The following PCDHGA5 variants were observed in gnomAD, a reference collection of about 807,000 sequenced individuals.
PCDHGA5 encodes protocadherin gamma-A5.
Under a neutral mutation model 56.7 loss-of-function variants are expected in PCDHGA5, and 36 were observed. The ratio of observed to expected loss-of-function variants is 0.64; its 90% CI spans 0.49 to 0.84. The LOEUF (loss-of-function observed/expected upper bound fraction) is 0.84. PCDHGA5 is among the 40% of genes least tolerant of loss of function. The probability of loss-of-function intolerance (pLI) is 0.00; values close to 1 mark genes in which losing one functional copy is unlikely to be tolerated. For missense variants in PCDHGA5, 1,305 were observed against 1,201.5 expected (o/e 1.09, Z -1.27); for synonymous variants, 563 against 520.2 (o/e 1.08, Z -1.12).
intron 1 of PCDHGA5, chr5:141,375,864 T>G: frequency 6.2e-7 from 1 of 1,613,866 alleles, no homozygotes; most frequent in African/African-American, 1.3e-5. Context: ...GTGGTGGCGG[T>G]GGACAGAGAC....
intron 1 of PCDHGA5, chr5:141,393,362 G>C (rs1377325166): frequency 5.0e-6 from 8 of 1,613,978 alleles, no homozygotes; most frequent in Non-Finnish European, 6.8e-6. Context: ...TGGACGTGCA[G>C]ACTGGAGACA....
intron 1 of PCDHGA5, chr5:141,408,968 C>T (rs752629281): frequency 6.2e-7 from 1 of 1,613,702 alleles, no homozygotes; most frequent in Non-Finnish European, 8.5e-7. Context: ...TGAAAATCTG[C>T]CCCCTGGGTC....
In PCDHGA5 at chr5:141,413,886, C is replaced by T. The variant is rs916273509; in HGVS notation, c.2421+47135C>T. The T allele has an allele frequency of 8.7e-6, 14 of 1,613,202 alleles. No homozygotes were observed. The African/African-American group carries it at 1.7e-4, about 20-fold the overall frequency. On this transcript the variant is annotated intron_variant, in intron 1 of 3. Transcript: ENST00000518069. ...CTGTCCTTGTCAGTGTGACTGTCTT[C>T]GATGCAAATGACAACGCGCCGGTCT...
intron 1 of PCDHGA5, chr5:141,370,508 C>A: frequency 6.2e-7 from 1 of 1,613,908 alleles, no homozygotes. Context: ...ACGCTATTCC[C>A]GAGGAGCTGG....
At position 141,485,301 on chromosome 5, in the gene PCDHGA5, C is replaced by T; in HGVS notation, c.2422-9506C>T. 1 of 1,614,124 alleles carries T rather than the reference C, an allele frequency of 6.2e-7. No homozygotes were observed. The highest frequency in any genetic ancestry group is 1.1e-5 in the South Asian group (1 of 91,082). The stretch of plus-strand genomic sequence containing the variant: ...GTCCCAGAGGAGTCACAGGAAGGGA[C>T]TTTTGTAGGGAATGTCGCTCAAGAT... On this transcript the variant is annotated intron_variant, in intron 1 of 3. Coordinates refer to ENST00000518069, the MANE Select transcript of PCDHGA5 (RefSeq NM_018918.3). This position sits in a 1 kb window ranked among gnomAD's most constrained non-coding sequence, Gnocchi z 5.7.
chr5:141,408,079 A>C (rs1176059527), intron 1 of PCDHGA5: 13 of 1,407,872 alleles, frequency 9.2e-6, no homozygotes, highest in Non-Finnish European at 1.1e-5. Context: ...CTTTCCCAGC[A>C]CAGCGGATTG....
chr5:141,393,805 C>T (rs1266380650), intron 1 of PCDHGA5: 3 of 1,613,914 alleles, frequency 1.9e-6, no homozygotes, highest in South Asian at 1.1e-5. Flanking sequence ...CTGGGGAGGA[C>T]CAAATTGCTC....
At chr5:141,408,978 C>A (rs1444971938) in intron 1 of PCDHGA5, 1 of 1,613,862 alleles carries the variant, frequency 6.2e-7, no homozygotes, top group African/African-American at 1.3e-5. Context: ...CCCCCTGGGT[C>A]CCCTGTGTTG....
At chr5:141,404,186 C>G in intron 1 of PCDHGA5, 1 of 1,613,086 alleles carries the variant, frequency 6.2e-7, no homozygotes, top group Non-Finnish European at 8.5e-7. Flanking sequence ...AATTCTTGAC[C>G]GAGAAAAAGC....
At chr5:141,430,179 A>G (rs2097264770) in intron 1 of PCDHGA5, among the ~76,000 whole-genome samples, 1 of 152,158 alleles carries the variant, frequency 6.6e-6, no homozygotes, top group Admixed American at 6.5e-5. Flanking sequence ...ATTTTCCCCA[A>G]ATTATAGCTG....
In PCDHGA5 at chr5:141,365,153, G is replaced by A; in HGVS notation, c.823G>A (p.Gly275Arg). 1 of 1,613,872 alleles carries A rather than the reference G, an allele frequency of 6.2e-7. No individual in the cohort carries two copies. The highest frequency in any genetic ancestry group is 8.5e-7 in the Non-Finnish European group (1 of 1,179,886). The part of the protein sequence containing the change: ...TATDPDEGIN[G>R]KLTYSFRNEE... ...CACGGATCCAGATGAGGGAATAAAC[G>A]GGAAATTGACCTACTCTTTTCGCAA... The change falls in exon 1 of 4, where the codon GGG (glycine) becomes AGG (arginine). Residue 275 changes from glycine to arginine, a missense_variant. Gly to Arg is a moderately radical substitution (Grantham distance 125). Transcript: ENST00000518069.
intron 1 of PCDHGA5, among the ~76,000 whole-genome samples, chr5:141,471,163 G>GC (rs202115056): frequency 0.11 from 16,237 of 150,562 alleles, 892 homozygotes; most frequent in South Asian, 0.15. Context: ...GATTCTCCTG[G>GC]CTCAGCCTCC....
At chr5:141,454,964 C>T (rs1283179107) in intron 1 of PCDHGA5, among the ~76,000 whole-genome samples, 10 of 151,622 alleles carry the variant, frequency 6.6e-5, no homozygotes, top group African/African-American at 2.4e-4. Flanking sequence ...CCGGCCACCA[C>T]GCCTGGCTAA....
intron 1 of PCDHGA5, among the ~76,000 whole-genome samples, chr5:141,457,827 C>T (rs1300495115): frequency 2.0e-5 from 3 of 152,204 alleles, no homozygotes; most frequent in Admixed American, 6.5e-5. Context: ...AAACTCAGAG[C>T]TTCCAGACCT....
rs756770023 is a variant in PCDHGA5 at position 141,383,289 on chromosome 5, T to C, written c.2421+16538T>C. ...AAATAATAGATATTAATGACAACGT[T>C]CCAAGATTCTTGACGGAAGAAATAA... On this transcript the variant is annotated intron_variant, in intron 1 of 3. Coordinates refer to ENST00000518069, the MANE Select transcript of PCDHGA5 (RefSeq NM_018918.3). The C allele has an allele frequency of 1.9e-6, 3 of 1,613,914 alleles. No individual in the cohort carries two copies. In the South Asian group the frequency reaches 3.3e-5, roughly 18 times the overall value.
rs70988800 is a variant in PCDHGA5, at chr5:141,379,889, CTTTTTTTTTTTTTTT to C, written c.2421+13154_2421+13168del. On this transcript the variant is annotated intron_variant, in intron 1 of 3. Coordinates refer to ENST00000518069, the MANE Select transcript of PCDHGA5 (RefSeq NM_018918.3). ...CTTATTTTATGGTCTGTGAAAGCCT[CTTTTTTTTTTTTTTT>C]TTTTTTTTTTTTTTTGTCAGAGTCT... Among the ~76,000 whole-genome samples the C allele has an allele frequency of 9.8e-4, 50 of 50,836 alleles. 1 individual carries two copies. Among genetic ancestry groups the C allele is most frequent in the Non-Finnish European group, 5.4e-4 (14 of 25,884 alleles). The allele number at this position is 50,836 out of a possible 152,430, so 33.4% of individuals were successfully genotyped here.
intron 2 of PCDHGA5, among the ~76,000 whole-genome samples, chr5:141,495,811 G>A (rs1164360438): frequency 1.3e-5 from 2 of 151,710 alleles, no homozygotes; most frequent in Admixed American, 1.3e-4. Flanking sequence ...GTTTCCTAGC[G>A]CCTTGTGTTC....
chr5:141,431,355 C>T lies in PCDHGA5; in HGVS notation c.2422-63452C>T. 1 of 1,614,054 alleles carries T rather than the reference C, an allele frequency of 6.2e-7. No homozygotes were observed. Among genetic ancestry groups the T allele is most frequent in the South Asian group, 1.1e-5 (1 of 91,082 alleles). ...TACCCCGAATTGGTGCTGAAACGCG[C>T]CCTGGACCGCGAAGAAAAGGCTGCT... On this transcript the variant is annotated intron_variant, in intron 1 of 3. Transcript: ENST00000518069. The surrounding 1 kb of genome is among the most constrained non-coding windows in gnomAD (Gnocchi z 4.8).
chr5:141,454,546 A>G (rs1342532359), intron 1 of PCDHGA5, among the ~76,000 whole-genome samples: 1 of 152,098 alleles, frequency 6.6e-6, no homozygotes, highest in African/African-American at 2.4e-5. Flanking sequence ...AGCTGAGATT[A>G]CAGGCATGTG....
Sources: allele counts gnomAD v4.1 joint callset (sites outside exome capture counted in the v4.1 genomes callset), GRCh38; gene constraint gnomAD v4.1.1; non-coding constraint Gnocchi (gnomAD v3.1); transcripts MANE v1.5; gene names NCBI Gene and HGNC (gene_info 2026-07-23, HGNC 2026-07-21).